Variants in VPS8 observed in about 807,000 individuals in gnomAD.
VPS8 encodes VPS8 subunit of CORVET complex.
VPS8 carries 129 observed loss-of-function variants against 216.4 expected under a neutral mutation model. The observed-to-expected ratio is 0.60, with a 90% confidence interval of 0.52 to 0.69. The LOEUF (loss-of-function observed/expected upper bound fraction) is 0.69. VPS8 is among the 30% of genes least tolerant of loss of function. The pLI, the probability that VPS8 is intolerant of heterozygous loss-of-function variation, is 0.00. For missense variants in VPS8, 1,531 were observed against 1,683.5 expected, an observed-to-expected ratio of 0.91 and a Z score of 1.59; for synonymous variants, 571 against 565.4, an observed-to-expected ratio of 1.01 and a Z score of -0.14.
Position 185,025,442 on chromosome 3 carries a change from A to T in VPS8, c.4056+1053A>T, listed in dbSNP as rs181924904. ...AACCACCTGCTGGCTCTGTTGACTA[A>T]CAGGAGGTTTTAGCTTCAAAGCAAT... On this transcript the variant is annotated intron_variant, in intron 46 of 47. Coordinates refer to ENST00000625842, the MANE Select transcript of VPS8 (RefSeq NM_001009921.3). 7.1e-4 allele frequency among the ~76,000 whole-genome samples: 108 copies of T among 152,312 alleles called. 2 individuals carry two copies. The highest frequency in any genetic ancestry group is 2.5e-3 in the African/African-American group (104 of 41,564).
chr3:184,917,445 T>C (rs993867725), intron 28 of VPS8, among the ~76,000 whole-genome samples: 3 of 152,218 alleles, frequency 2.0e-5, no homozygotes, highest in Admixed American at 6.5e-5. Context: ...TCCTTCATTT[T>C]TGAGACGGAG....
At chr3:184,995,923 G>T (rs1365531941) in intron 43 of VPS8, among the ~76,000 whole-genome samples, 1 of 152,202 alleles carries the variant, frequency 6.6e-6, no homozygotes, top group African/African-American at 2.4e-5. Context: ...TAAAAAATCT[G>T]GGATTCAGAC....
In VPS8 at chr3:185,038,649, TA is replaced by T. The variant is rs1279524433; in HGVS notation, c.4057-9829del. 2.0e-5 allele frequency among the ~76,000 whole-genome samples: 3 copies of T among 152,194 alleles called. No individual in the cohort carries two copies. The East Asian group carries it at 5.8e-4, about 29-fold the overall frequency. On this transcript the variant is annotated intron_variant, in intron 46 of 47. Coordinates refer to ENST00000625842, the MANE Select transcript of VPS8 (RefSeq NM_001009921.3). ...GAAGTCAGTTCCTCTGGGAAAAGAT[TA>T]GGAGTTATTTATTTTAGAACCTACT...
intron 46 of VPS8, among the ~76,000 whole-genome samples, chr3:185,040,756 A>G (rs934917812): frequency 2.0e-5 from 3 of 152,148 alleles, no homozygotes; most frequent in African/African-American, 7.2e-5. Flanking sequence ...TTCTGTTCAC[A>G]TGTGCTATTC....
intron 25 of VPS8, among the ~76,000 whole-genome samples, chr3:184,903,283 C>G (rs768469661): frequency 3.2e-4 from 49 of 151,906 alleles, no homozygotes; most frequent in Non-Finnish European, 5.3e-4. Context: ...CTTTGCCTTT[C>G]TATATAAACG....
intron 14 of VPS8, among the ~76,000 whole-genome samples, chr3:184,856,606 G>A (rs1256626438): frequency 6.6e-6 from 1 of 152,128 alleles, no homozygotes; most frequent in Non-Finnish European, 1.5e-5. Context: ...CTATCACCAA[G>A]TCCTATTGAC....
intron 39 of VPS8, among the ~76,000 whole-genome samples, chr3:184,970,611 T>C (rs1324623050): frequency 6.6e-6 from 1 of 152,186 alleles, no homozygotes; most frequent in African/African-American, 2.4e-5. Flanking sequence ...TAAAAAAGAA[T>C]AGGGCAACAC....
At position 184,824,567 on chromosome 3, in the gene VPS8, G is replaced by T. The variant is rs1305077145; in HGVS notation, c.-66G>T. On this transcript the variant is annotated 5_prime_UTR_variant, in exon 2 of 48. Coordinates refer to ENST00000625842, the MANE Select transcript of VPS8 (RefSeq NM_001009921.3). ...AAGAGATAATCATTCAGGTCTTCGT[G>T]AGCTAAGGCCAAACAAACAAAAAAC... is the stretch of plus-strand genomic sequence containing the variant. 2 of 1,505,050 alleles carry T rather than the reference G, an allele frequency of 1.3e-6. No individual in the cohort carries two copies. Among genetic ancestry groups the T allele is most frequent in the Non-Finnish European group, 1.8e-6 (2 of 1,112,890 alleles). 93.2% of individuals were successfully genotyped at this position (1,505,050 alleles called of 1,614,324 possible).
intron 45 of VPS8, among the ~76,000 whole-genome samples, chr3:185,012,384 A>G (rs191344565): frequency 1.5e-3 from 217 of 148,260 alleles, no homozygotes; most frequent in African/African-American, 5.1e-3. Flanking sequence ...ATAATATACA[A>G]CATATATAGA....
chr3:184,887,988 CTTT>C (rs761993920), intron 22 of VPS8, among the ~76,000 whole-genome samples: 5 of 139,982 alleles, frequency 3.6e-5, no homozygotes, highest in Non-Finnish European at 4.7e-5. Flanking sequence ...GAGAACATTA[CTTT>C]TTTTTTTTTT....
chr3:184,901,122 G>T (rs944747191), intron 25 of VPS8, 150 bp downstream of exon 25: 1 of 693,570 alleles, frequency 1.4e-6, no homozygotes, highest in Non-Finnish European at 2.4e-6. Flanking sequence ...TGCAGAAGGA[G>T]CCATAGCTTC....
At chr3:184,897,059 A>C (rs1048867465) in intron 23 of VPS8, among the ~76,000 whole-genome samples, 10 of 152,244 alleles carry the variant, frequency 6.6e-5, no homozygotes, top group African/African-American at 2.2e-4. Flanking sequence ...GTACAGAGGT[A>C]GATCTTGCAG....
intron 1 of VPS8, among the ~76,000 whole-genome samples, chr3:184,822,791 G>C (rs567160911): frequency 1.3e-5 from 2 of 152,158 alleles, no homozygotes; most frequent in Non-Finnish European, 1.5e-5. Flanking sequence ...ACTGCATTTG[G>C]GTTATTGCAA....
At chr3:184,836,374 A>G (rs1368658370) in intron 5 of VPS8, 1 of 454,994 alleles carries the variant, frequency 2.2e-6, no homozygotes, top group Non-Finnish European at 4.4e-6. Flanking sequence ...GATGAACCAG[A>G]ACAGTCATTT....
chr3:184,917,462 T>C (rs528462072), intron 28 of VPS8, among the ~76,000 whole-genome samples: 41 of 152,248 alleles, frequency 2.7e-4, no homozygotes, highest in African/African-American at 9.6e-4. Context: ...GGAGCTTTGC[T>C]CTTGTCTCCC....
At chr3:184,917,501 C>G (rs1375106367) in intron 28 of VPS8, among the ~76,000 whole-genome samples, 1 of 152,136 alleles carries the variant, frequency 6.6e-6, no homozygotes, top group Non-Finnish European at 1.5e-5. Flanking sequence ...ATGATCTCGG[C>G]TCACTGCAAC....
At chr3:184,841,643 A>T (rs1324853846) in intron 7 of VPS8, among the ~76,000 whole-genome samples, 1 of 152,218 alleles carries the variant, frequency 6.6e-6, no homozygotes, top group Non-Finnish European at 1.5e-5. Flanking sequence ...ATGGCCCCCT[A>T]GAAAAGTTCT....
At chr3:184,887,160 T>C in intron 22 of VPS8, among the ~76,000 whole-genome samples, 1 of 152,020 alleles carries the variant, frequency 6.6e-6, no homozygotes, top group Non-Finnish European at 1.5e-5. Context: ...CTGGGTAATA[T>C]AGGGAGACCT....
chr3:184,965,637 C>T (rs1166648252), intron 38 of VPS8, among the ~76,000 whole-genome samples: 1 of 152,186 alleles, frequency 6.6e-6, no homozygotes, highest in Non-Finnish European at 1.5e-5. Flanking sequence ...TGTAGCTAGT[C>T]TTCTTGTCAC....
Sources: allele counts gnomAD v4.1 joint callset (sites outside exome capture counted in the v4.1 genomes callset), GRCh38; gene constraint gnomAD v4.1.1; transcripts MANE v1.5; gene names NCBI Gene and HGNC (gene_info 2026-07-23, HGNC 2026-07-21).